The following EPS15 variants were observed in gnomAD, a reference collection of about 807,000 sequenced individuals.
EPS15 encodes epidermal growth factor receptor substrate 15.
Under a neutral mutation model 113.8 loss-of-function variants are expected in EPS15, and 72 were observed. That is an observed-to-expected ratio of 0.63 (90% CI 0.52 to 0.77). EPS15 has a LOEUF of 0.77. EPS15 is among the 30% of genes least tolerant of loss of function. EPS15 has a pLI of 0.00. For synonymous variants in EPS15, 344 were observed against 363.4 expected (o/e 0.95, Z 0.61); for missense variants, 1,048 against 1,045.8 (o/e 1.00, Z -0.03).
At chr1:51,517,419 G>T (rs1442101206) in intron 1 of EPS15, among the ~76,000 whole-genome samples, 1 of 152,200 alleles carries the variant, frequency 6.6e-6, no homozygotes, top group Admixed American at 6.5e-5. Context: ...CTCCAGAGAT[G>T]AATGATGTAA....
At chr1:51,357,426 A>ATATTTTTTT (rs1443627608) in intron 24 of EPS15, among the ~76,000 whole-genome samples, 1 of 53,526 alleles carries the variant, frequency 1.9e-5, no homozygotes, top group African/African-American at 9.7e-5. Flanking sequence ...ATATATATAT[A>ATATTTTTTT]TTTTTTTTTT....
intron 1 of EPS15, among the ~76,000 whole-genome samples, chr1:51,510,578 A>C (rs1417634617): frequency 2.0e-5 from 3 of 152,212 alleles, no homozygotes; most frequent in Non-Finnish European, 4.4e-5. Context: ...ATTGATACTT[A>C]GCCCACTAGA....
intron 1 of EPS15, among the ~76,000 whole-genome samples, chr1:51,517,038 T>TA (rs1309832564): frequency 6.6e-6 from 1 of 152,126 alleles, no homozygotes; most frequent in Non-Finnish European, 1.5e-5. Context: ...ATTGTTATCT[T>TA]AGTGTATTGG....
intron 16 of EPS15, among the ~76,000 whole-genome samples, chr1:51,404,068 C>G (rs528375877): frequency 6.6e-6 from 1 of 152,224 alleles, no homozygotes; most frequent in East Asian, 1.9e-4. Flanking sequence ...AGGGGCAGGC[C>G]GGATGCAGTG....
intron 1 of EPS15, among the ~76,000 whole-genome samples, chr1:51,514,160 T>C (rs1451004378): frequency 6.6e-6 from 1 of 152,160 alleles, no homozygotes; most frequent in Non-Finnish European, 1.5e-5. Context: ...TTTACAAGAT[T>C]CCTCAGATTA....
chr1:51,461,037 C>T, intron 8 of EPS15, 54 bp downstream of exon 8: 1 of 1,160,540 alleles, frequency 8.6e-7, no homozygotes, highest in Non-Finnish European at 1.3e-6. Flanking sequence ...AGGAAATTTG[C>T]ACATGAGAAA....
chr1:51,372,574 C>T, intron 21 of EPS15: 1 of 524,190 alleles, frequency 1.9e-6, no homozygotes. Flanking sequence ...ACAAGAGTAA[C>T]ATTGCCATCA....
At position 51,446,683 on chromosome 1, in the gene EPS15, G is replaced by A. The variant is rs990382663; in HGVS notation, c.797+277C>T. Among the ~76,000 whole-genome samples, 5 of 152,132 alleles carry A rather than the reference G, an allele frequency of 3.3e-5. 1 individual carries two copies. The highest frequency in any genetic ancestry group is 2.0e-4 in the Admixed American group (3 of 15,276). ...TTGGCCAAGCTGGTCTCAAACTCCC[G>A]ACCTCAGGTGATCCACCCACCTCGG... On this transcript the variant is annotated intron_variant, in intron 10 of 24. Transcript: ENST00000371733.
chr1:51,482,316 G>T (rs1432155096), intron 1 of EPS15, among the ~76,000 whole-genome samples: 1 of 152,058 alleles, frequency 6.6e-6, no homozygotes, highest in East Asian at 1.9e-4. Context: ...GGGAGAGGGT[G>T]ATTCTACACA....
intron 12 of EPS15, among the ~76,000 whole-genome samples, chr1:51,434,552 G>A (rs1651986225): frequency 6.6e-6 from 1 of 152,210 alleles, no homozygotes. Flanking sequence ...GAAGGGCGGG[G>A]AAAATGGGAG....
At chr1:51,414,611 C>A (rs186592875) in intron 13 of EPS15, among the ~76,000 whole-genome samples, 12 of 151,982 alleles carry the variant, frequency 7.9e-5, no homozygotes, top group Non-Finnish European at 1.5e-4. Flanking sequence ...GTTATCTATC[C>A]CCATTAGTAA....
At chr1:51,466,283 G>C (rs1008430548) in intron 5 of EPS15, among the ~76,000 whole-genome samples, 1 of 151,744 alleles carries the variant, frequency 6.6e-6, no homozygotes, top group African/African-American at 2.4e-5. Flanking sequence ...TTAATAAACT[G>C]TATTGACTAT....
At chr1:51,465,362 T>C in intron 5 of EPS15, 36 bp from the exon 6 acceptor site, 2 of 1,432,944 alleles carry the variant, frequency 1.4e-6, no homozygotes, top group Non-Finnish European at 1.9e-6. Context: ...AGAGTTGAAA[T>C]TCTCACATCA....
intron 1 of EPS15, among the ~76,000 whole-genome samples, chr1:51,517,427 T>C (rs139018305): frequency 1.5e-4 from 23 of 152,294 alleles, no homozygotes; most frequent in African/African-American, 3.1e-4. Flanking sequence ...ATGAATGATG[T>C]AAATAGAAGC....
chr1:51,356,711 A>G lies in EPS15; in HGVS notation c.2680T>C (p.Ser894Pro). ...LAIALSKSEI[S>P]EA ...AACAAGAGAATTCTTCATGCTTCTG[A>G]TATCTCAGATTTGCTGAGTGCAATA... is the stretch of plus-strand genomic sequence containing the variant. Residue 894 changes from serine to proline, a missense_variant, in exon 25 of 25, where the codon TCA (serine) becomes CCA (proline). Coordinates refer to ENST00000371733, the MANE Select transcript of EPS15 (RefSeq NM_001981.3). The G allele has an allele frequency of 6.2e-7, 1 of 1,613,688 alleles. No homozygotes were observed. The highest frequency in any genetic ancestry group is 8.5e-7 in the Non-Finnish European group (1 of 1,179,844).
At chr1:51,510,066 T>C (rs1644591054) in intron 1 of EPS15, among the ~76,000 whole-genome samples, 1 of 152,234 alleles carries the variant, frequency 6.6e-6, no homozygotes, top group African/African-American at 2.4e-5. Context: ...ATATAAGGAT[T>C]ACCAAGTTGT....
intron 15 of EPS15, among the ~76,000 whole-genome samples, chr1:51,407,426 C>T (rs962950834): frequency 5.9e-5 from 9 of 152,032 alleles, no homozygotes; most frequent in Non-Finnish European, 1.0e-4. Context: ...CTCGAACTCC[C>T]GGCCTCAAGT....
intron 1 of EPS15, among the ~76,000 whole-genome samples, chr1:51,507,054 G>T (rs1029714855): frequency 1.3e-5 from 2 of 152,032 alleles, no homozygotes; most frequent in African/African-American, 4.8e-5. Flanking sequence ...ATTATTGCTC[G>T]AGTTAACCCT....
At chr1:51,500,350 C>G (rs1011900684) in intron 1 of EPS15, among the ~76,000 whole-genome samples, 14 of 152,110 alleles carry the variant, frequency 9.2e-5, no homozygotes, top group African/African-American at 3.4e-4. Flanking sequence ...TGCGGTAATT[C>G]AATGTTTAAT....
Sources: allele counts gnomAD v4.1 joint callset (sites outside exome capture counted in the v4.1 genomes callset), GRCh38; gene constraint gnomAD v4.1.1; transcripts MANE v1.5; gene names NCBI Gene and HGNC (gene_info 2026-07-23, HGNC 2026-07-21).